Variants in TMEM9 observed in about 807,000 individuals in gnomAD.
TMEM9 encodes the protein proton-transporting V-type ATPase complex assembly regulator TMEM9.
In TMEM9, 13 loss-of-function variants were observed where a neutral mutation model predicts 22.8. The observed-to-expected ratio is 0.57, with a 90% CI of 0.37 to 0.91. TMEM9 has a LOEUF of 0.91. Ranked by LOEUF, TMEM9 falls within the 40% of genes least tolerant of loss-of-function variation. The probability of loss-of-function intolerance (pLI) is 0.01; values close to 1 mark genes in which losing one functional copy is unlikely to be tolerated. For synonymous variants in TMEM9, 88 were observed against 93.0 expected (o/e 0.95, Z 0.31); for missense variants, 182 against 238.1 (o/e 0.76, Z 1.55).
intron 1 of TMEM9, among the ~76,000 whole-genome samples, chr1:201,160,764 A>G (rs1269963698): frequency 6.6e-6 from 1 of 151,806 alleles, no homozygotes; most frequent in Non-Finnish European, 1.5e-5. Context: ...GTGAAACCCC[A>G]TCTCTACTAA....
intron 1 of TMEM9, among the ~76,000 whole-genome samples, chr1:201,160,913 G>A (rs1344741716): frequency 6.6e-6 from 1 of 150,700 alleles, no homozygotes; most frequent in African/African-American, 2.4e-5. Context: ...TCCAGCCTGG[G>A]GGACAGAGTG....
chr1:201,165,273 T>C (rs768581351), intron 1 of TMEM9, among the ~76,000 whole-genome samples: 43 of 150,602 alleles, frequency 2.9e-4, no homozygotes, highest in Non-Finnish European at 5.8e-4. Flanking sequence ...AGGGCTCTTT[T>C]ATAAAGTTAT....
rs11540083 is a variant in TMEM9, at chr1:201,135,428, C to A, written c.*235G>T. Reference sequence around the variant, plus strand: ...CATTCCCTTCTGGCCTGCCTTCCCCCTCCCTTCAACCCCAAAGACCCAAGA... The same window carrying A: ...CATTCCCTTCTGGCCTGCCTTCCCCATCCCTTCAACCCCAAAGACCCAAGA... On this transcript the variant is annotated 3_prime_UTR_variant, in exon 5 of 5. Transcript: ENST00000367330. 66,648 of 404,606 alleles carry A rather than the reference C, an allele frequency of 0.16. 6,237 individuals carry two copies. The highest frequency in any genetic ancestry group is 0.2 in the Non-Finnish European group (46,035 of 229,970). The allele number at this position is 404,606 out of a possible 1,614,324, so 25.1% of individuals were successfully genotyped here. A position where few individuals can be genotyped will look rare whatever the true frequency, so the allele number is the denominator to read the frequency against.
chr1:201,146,744 A>C lies in TMEM9; in HGVS notation c.263T>G (p.Ile88Ser), dbSNP rs1455414126. Reference sequence around the variant, plus strand: ...TTCCTGAGACCCTGGCGTTACCTTGATGGTGGTGGTGCTGCGCTCCTCGTA... The same window carrying C: ...TTCCTGAGACCCTGGCGTTACCTTGCTGGTGGTGGTGCTGCGCTCCTCGTA... Reference protein sequence around the residue: ...CRYEERSTTTIKVIIVIYLSV... With the variant: ...CRYEERSTTTSKVIIVIYLSV... Residue 88 changes from isoleucine (I) to serine (S), a missense_variant, in exon 3 of 5, where the codon ATC (isoleucine) becomes AGC (serine). By Grantham distance (142) the Ile-to-Ser change is moderately radical. Transcript: ENST00000367330. 2 of 1,614,066 alleles carry C rather than the reference A, an allele frequency of 1.2e-6. No individual in the cohort carries two copies. Among genetic ancestry groups the C allele is most frequent in the Non-Finnish European group, 1.7e-6 (2 of 1,180,000 alleles).
upstream of TMEM9, among the ~76,000 whole-genome samples, chr1:201,157,236 G>A (rs1230031302): frequency 6.6e-6 from 1 of 152,128 alleles, no homozygotes; most frequent in Admixed American, 6.5e-5. Context: ...ATCTGCATAG[G>A]GCACAAATCT....
At chr1:201,159,078 A>C (rs566219384), upstream of TMEM9, among the ~76,000 whole-genome samples, 1 of 152,136 alleles carries the variant, frequency 6.6e-6, no homozygotes, top group South Asian at 2.1e-4. Context: ...TTGACTTCCT[A>C]ATTTTTGCAT....
chr1:201,149,361 G>C (rs1665243403), intron 2 of TMEM9, among the ~76,000 whole-genome samples: 1 of 152,212 alleles, frequency 6.6e-6, no homozygotes, highest in Admixed American at 6.5e-5. Flanking sequence ...CTCTCAGGCA[G>C]AGCAATTCCG....
chr1:201,170,417 A>G (rs1666181112), intron 1 of TMEM9, among the ~76,000 whole-genome samples: 1 of 152,248 alleles, frequency 6.6e-6, no homozygotes, highest in Non-Finnish European at 1.5e-5. Flanking sequence ...GAGCAGCATT[A>G]TAATGGAAAT....
chr1:201,150,702 G>A (rs1169914436), intron 2 of TMEM9, among the ~76,000 whole-genome samples: 1 of 152,110 alleles, frequency 6.6e-6, no homozygotes, highest in Non-Finnish European at 1.5e-5. Flanking sequence ...GTGTTGCTCT[G>A]GATCAACTGC....
intron 4 of TMEM9, 111 bp from the exon 5 acceptor site, chr1:201,135,926 C>T (rs1663950452): frequency 2.6e-6 from 3 of 1,147,690 alleles, no homozygotes; most frequent in African/African-American, 1.6e-5. Context: ...CTTCCCCAGA[C>T]TGGGAGGCTG....
intron 1 of TMEM9, 29 bp from the exon 2 acceptor site, chr1:201,151,881 C>T (rs1413406452): frequency 1.3e-6 from 2 of 1,580,936 alleles, no homozygotes; most frequent in Non-Finnish European, 1.7e-6. Context: ...GTCAAGTATG[C>T]AGAGACCCTG....
At chr1:201,165,153 TATATATATA>T (rs1666041630) in intron 1 of TMEM9, among the ~76,000 whole-genome samples, 4 of 107,064 alleles carry the variant, frequency 3.7e-5, no homozygotes, top group Admixed American at 8.3e-5. Flanking sequence ...GAGAAAATTA[TATATATATA>T]TATATATATA....
intron 4 of TMEM9, among the ~76,000 whole-genome samples, chr1:201,136,307 G>C (rs1330128316): frequency 3.9e-5 from 6 of 152,218 alleles, no homozygotes; most frequent in Admixed American, 2.6e-4. Flanking sequence ...TACTAGGCTA[G>C]AGAACTCCCC....
upstream of TMEM9, among the ~76,000 whole-genome samples, chr1:201,156,040 A>G (rs1665784091): frequency 6.6e-6 from 1 of 152,134 alleles, no homozygotes; most frequent in Admixed American, 6.5e-5. Context: ...CCCCCCATAT[A>G]CGTTCCATAT....
Position 201,154,130 on chromosome 1 carries a change from C to T in TMEM9, c.-207G>A, listed in dbSNP as rs1171301302. ...CCTGCTTCCCTCCCGCCCAACTCTC[C>T]GGCTCTCCGCCAGCCACCTGGTGAG... On this transcript the variant is annotated 5_prime_UTR_variant, in exon 1 of 5. Coordinates refer to ENST00000367330, the MANE Select transcript of TMEM9 (RefSeq NM_001288565.2). The T allele has an allele frequency of 5.1e-6, 3 of 591,034 alleles. No homozygotes were observed. Among genetic ancestry groups the T allele is most frequent in the African/African-American group, 3.8e-5 (2 of 52,296 alleles). 36.6% of individuals were successfully genotyped at this position (591,034 alleles called of 1,614,324 possible). A position where few individuals can be genotyped will look rare whatever the true frequency, so the allele number is the denominator to read the frequency against.
chr1:201,155,512 A>C (rs1665762084), upstream of TMEM9, among the ~76,000 whole-genome samples: 2 of 152,122 alleles, frequency 1.3e-5, no homozygotes, highest in Non-Finnish European at 2.9e-5. Context: ...TCCTCTTTAT[A>C]TCCTTGCCAC....
At position 201,135,019 on chromosome 1, in the gene TMEM9, G is replaced by C. The variant is rs2102210751; in HGVS notation, c.*644C>G. 6.5e-6 allele frequency: 1 copy of C among 152,856 alleles called. No homozygotes were observed. The highest frequency in any genetic ancestry group is 2.4e-5 in the African/African-American group (1 of 41,574). The allele number at this position is 152,856 out of a possible 1,614,324, so 9.5% of individuals were successfully genotyped here. A position where few individuals can be genotyped will look rare whatever the true frequency, so the allele number is the denominator to read the frequency against. On this transcript the variant is annotated 3_prime_UTR_variant, in exon 5 of 5. Transcript: ENST00000367330. ...GCCCAGACCCCTCAAGTGCAGGTGA[G>C]GGGACCGGCAGCAGAGTATGCATGG... is the stretch of plus-strand genomic sequence containing the variant.
At chr1:201,143,054 G>A (rs77788291) in intron 4 of TMEM9, among the ~76,000 whole-genome samples, 1,596 of 152,266 alleles carry the variant, frequency 0.01, 14 homozygotes, top group Non-Finnish European at 0.017. Flanking sequence ...ATGGGAAGAC[G>A]GTGACAGCGC....
rs553196078 is a variant in TMEM9, at chr1:201,154,232, G to A, written c.-309C>T. ...TTCTCAAGGCCCGGCTCTGACCCGC[G>A]CATCACGTCCCACCGCCCTCCGCCA... On this transcript the variant is annotated 5_prime_UTR_variant, in exon 1 of 5. Transcript: ENST00000367330. The A allele has an allele frequency of 7.0e-6, 2 of 286,256 alleles. No homozygotes were observed. The highest frequency in any genetic ancestry group is 2.2e-5 in the African/African-American group (1 of 44,998). The allele number at this position is 286,256 out of a possible 1,614,324, so 17.7% of individuals were successfully genotyped here.
Sources: allele counts gnomAD v4.1 joint callset (sites outside exome capture counted in the v4.1 genomes callset), GRCh38; gene constraint gnomAD v4.1.1; transcripts MANE v1.5; gene names NCBI Gene and HGNC (gene_info 2026-07-23, HGNC 2026-07-21).